LHFPL2: variants seen among roughly 807,000 people sequenced by gnomAD.
LHFPL2 encodes LHFPL tetraspan subfamily member 2.
A neutral mutation model predicts 17.5 loss-of-function variants in LHFPL2; 7 were observed. That is an observed-to-expected ratio of 0.40 (90% confidence interval 0.23 to 0.75). LHFPL2 has a LOEUF of 0.75. LHFPL2 is among the 30% of genes least tolerant of loss of function. The pLI, the probability that LHFPL2 is intolerant of heterozygous loss-of-function variation, is 0.37. For synonymous variants in LHFPL2, 134 were observed against 116.2 expected (o/e 1.15, Z -0.99); for missense variants, 241 against 294.8 (o/e 0.82, Z 1.34).
Position 78,585,000 on chromosome 5 carries a change from T to TG in LHFPL2, c.-244-20130_-244-20129insC, listed in dbSNP as rs1263458036. ...ATAATCTCCTGGTGCGCTGTGTTTT[T>TG]TTTTTTTTTTTTTTTTTTTTTTTTG... On this transcript the variant is annotated intron_variant, in intron 2 of 4. Coordinates refer to ENST00000380345, the MANE Select transcript of LHFPL2 (RefSeq NM_005779.3). Among the ~76,000 whole-genome samples the TG allele has an allele frequency of 8.3e-5, 4 of 48,266 alleles. 2 individuals are homozygous for TG. The highest frequency in any genetic ancestry group is 7.8e-4 in the East Asian group (2 of 2,566). 31.7% of individuals were successfully genotyped at this position (48,266 alleles called of 152,430 possible). A position where few individuals can be genotyped will look rare whatever the true frequency, so the allele number is the denominator to read the frequency against.
intron 2 of LHFPL2, among the ~76,000 whole-genome samples, chr5:78,616,069 C>T (rs1291807495): frequency 1.3e-5 from 2 of 152,142 alleles, no homozygotes; most frequent in African/African-American, 4.8e-5. Context: ...TTCTCCTCCC[C>T]ATCCTCCCAT....
At chr5:78,492,618 G>T (rs1754482345) in intron 4 of LHFPL2, among the ~76,000 whole-genome samples, 1 of 152,166 alleles carries the variant, frequency 6.6e-6, no homozygotes, top group African/African-American at 2.4e-5. Flanking sequence ...GGGGCTTCAG[G>T]CCATCTTCAA....
chr5:78,613,975 G>A (rs1372305454), intron 2 of LHFPL2, among the ~76,000 whole-genome samples: 1 of 152,174 alleles, frequency 6.6e-6, no homozygotes, highest in Non-Finnish European at 1.5e-5. Context: ...CTGGGGCTTA[G>A]GACACCCTAA....
chr5:78,561,777 T>C (rs575518443), intron 3 of LHFPL2, among the ~76,000 whole-genome samples: 1 of 152,210 alleles, frequency 6.6e-6, no homozygotes, highest in Non-Finnish European at 1.5e-5. Context: ...TCAGGTGAGA[T>C]AGGTGAGAAC....
intron 3 of LHFPL2, among the ~76,000 whole-genome samples, chr5:78,512,008 G>A (rs11955466): frequency 0.012 from 1,752 of 152,202 alleles, 36 homozygotes; most frequent in African/African-American, 0.04. Context: ...GGTAAGGGTA[G>A]CCTACCTCAC....
intron 2 of LHFPL2, among the ~76,000 whole-genome samples, chr5:78,626,819 G>A (rs529374686): frequency 2.6e-5 from 4 of 152,108 alleles, no homozygotes; most frequent in Non-Finnish European, 4.4e-5. Context: ...GGTGGTTCAC[G>A]CCTGTAATCT....
At position 78,488,032 on chromosome 5, in the gene LHFPL2, A is replaced by AC. The variant is rs3214549; in HGVS notation, c.*864dup. ...TGCATAAGCCACAGCTAGCTTGGAG[A>AC]CCTCAGTCCCTGGAAGGAGGAAACA... On this transcript the variant is annotated 3_prime_UTR_variant, in exon 5 of 5. Transcript: ENST00000380345. The AC allele has an allele frequency of 0.73, 111,408 of 151,900 alleles. 41,299 individuals carry two copies. The highest frequency in any genetic ancestry group is 0.76 in the Non-Finnish European group (51,912 of 67,956). The allele number at this position is 151,900 out of a possible 1,614,324, so 9.4% of individuals were successfully genotyped here. A position where few individuals can be genotyped will look rare whatever the true frequency, so the allele number is the denominator to read the frequency against.
chr5:78,524,194 C>T (rs893649116), intron 3 of LHFPL2, among the ~76,000 whole-genome samples: 4 of 152,186 alleles, frequency 2.6e-5, no homozygotes, highest in African/African-American at 7.2e-5. Context: ...GCTCACCTTG[C>T]GCCCAGGTTA....
chr5:78,496,305 T>TG (rs1754604960), intron 4 of LHFPL2, among the ~76,000 whole-genome samples: 1 of 152,210 alleles, frequency 6.6e-6, no homozygotes. Flanking sequence ...AATGAGACAT[T>TG]GCAACTTTGC....
intron 2 of LHFPL2, among the ~76,000 whole-genome samples, chr5:78,622,454 A>G (rs1156520691): frequency 6.6e-6 from 1 of 152,190 alleles, no homozygotes; most frequent in Non-Finnish European, 1.5e-5. Flanking sequence ...AGATGAGAAG[A>G]CTAAGCCCTG....
intron 2 of LHFPL2, among the ~76,000 whole-genome samples, chr5:78,572,484 G>GTA (rs1328748947): frequency 6.2e-5 from 9 of 146,072 alleles, no homozygotes; most frequent in Middle Eastern, 3.5e-3. Flanking sequence ...ATATATATGT[G>GTA]TATATATATG....
At chr5:78,526,916 C>A (rs1032211706) in intron 3 of LHFPL2, among the ~76,000 whole-genome samples, 2 of 152,092 alleles carry the variant, frequency 1.3e-5, no homozygotes, top group Non-Finnish European at 2.9e-5. Context: ...CATCCATAGC[C>A]CAGCTTGGAA....
Position 78,522,663 on chromosome 5 carries a change from T to TG in LHFPL2, c.-185-12266dup, listed in dbSNP as rs572193631. 2.2e-3 allele frequency among the ~76,000 whole-genome samples: 336 copies of TG among 152,088 alleles called. 2 individuals are homozygous for TG. Among genetic ancestry groups the TG allele is most frequent in the African/African-American group, 7.5e-3 (313 of 41,468 alleles). ...TGTCCAAGGTTGAAGTACTGGACAA[T>TG]GGGGGTGGAGAGGGAAGGCAGGGAA... On this transcript the variant is annotated intron_variant, in intron 3 of 4. Coordinates refer to ENST00000380345, the MANE Select transcript of LHFPL2 (RefSeq NM_005779.3).
At chr5:78,620,706 A>G (rs904428476) in intron 2 of LHFPL2, among the ~76,000 whole-genome samples, 6 of 152,210 alleles carry the variant, frequency 3.9e-5, no homozygotes, top group African/African-American at 1.2e-4. Flanking sequence ...GCACAGGACA[A>G]CAGAGCACCC....
In LHFPL2 at chr5:78,486,196, C is replaced by A. The variant is rs1754234335; in HGVS notation, c.*2701G>T. The A allele has an allele frequency of 6.6e-6, 1 of 152,492 alleles. No individual in the cohort carries two copies. Among genetic ancestry groups the A allele is most frequent in the African/African-American group, 2.4e-5 (1 of 41,390 alleles). The allele number at this position is 152,492 out of a possible 1,614,324, so 9.4% of individuals were successfully genotyped here. A position where few individuals can be genotyped will look rare whatever the true frequency, so the allele number is the denominator to read the frequency against. On this transcript the variant is annotated 3_prime_UTR_variant, in exon 5 of 5. Transcript: ENST00000380345. Reference sequence around the variant, plus strand: ...AGATGTTTGAAAACTATACAAAAACCCTTATACAATTAATGCAACATTGTT... The same window carrying A: ...AGATGTTTGAAAACTATACAAAAACACTTATACAATTAATGCAACATTGTT...
chr5:78,500,815 AG>A, intron 4 of LHFPL2, among the ~76,000 whole-genome samples: 1 of 152,202 alleles, frequency 6.6e-6, no homozygotes, highest in Non-Finnish European at 1.5e-5. Context: ...AGTGATGACC[AG>A]TTCTGAAGTG....
chr5:78,518,644 C>T (rs940387592), intron 3 of LHFPL2, among the ~76,000 whole-genome samples: 20 of 152,136 alleles, frequency 1.3e-4, no homozygotes, highest in African/African-American at 4.3e-4. Flanking sequence ...AGGACTGAGC[C>T]GGTGTAATGA....
chr5:78,592,890 C>A (rs181298794), intron 2 of LHFPL2, among the ~76,000 whole-genome samples: 40 of 152,270 alleles, frequency 2.6e-4, no homozygotes, highest in African/African-American at 9.6e-4. Flanking sequence ...TTCTTGGGTA[C>A]AGAGTTTCAG....
intron 2 of LHFPL2, among the ~76,000 whole-genome samples, chr5:78,607,505 A>G (rs1744262188): frequency 6.6e-6 from 1 of 152,242 alleles, no homozygotes; most frequent in Non-Finnish European, 1.5e-5. Flanking sequence ...ATTACAAACA[A>G]AATTTGCCAT....
Sources: allele counts gnomAD v4.1 joint callset (sites outside exome capture counted in the v4.1 genomes callset), GRCh38; gene constraint gnomAD v4.1.1; transcripts MANE v1.5; gene names NCBI Gene and HGNC (gene_info 2026-07-23, HGNC 2026-07-21).